Variants in LRRC69 observed in about 807,000 individuals in gnomAD.
LRRC69 encodes leucine rich repeat containing 69.
Under a neutral mutation model 37.8 loss-of-function variants are expected in LRRC69, and 42 were observed. The observed-to-expected ratio is 1.11, with a 90% CI of 0.87 to 1.44. The LOEUF (loss-of-function observed/expected upper bound fraction) is 1.44, where lower values mean the gene tolerates loss of function less well. LRRC69 is among the 40% of genes most tolerant of loss of function. The pLI is 0.00. For synonymous variants in LRRC69, 141 were observed against 143.1 expected (o/e 0.99, Z 0.11); for missense variants, 357 against 401.9 (o/e 0.89, Z 0.96).
exon 7 of LRRC69, chr8:91,200,762 G>C (rs769763545): frequency 1.3e-6 from 2 of 1,531,090 alleles, no homozygotes; most frequent in Non-Finnish European, 8.8e-7. Flanking sequence ...CCGTATGGCT[G>C]GAATGTGTTC....
rs1199297860 is a variant in LRRC69, at chr8:91,191,043, C to CA, written c.753+1420_753+1421insA. On this transcript the variant is annotated intron_variant, in intron 6 of 7. Coordinates refer to ENST00000448384, the Ensembl canonical transcript of LRRC69. ...GACAGAGCAGGATCCTGTCTCAAAC[C>CA]CCCCCCCCCCCAAGTCAAAAAGCAA... Among the ~76,000 whole-genome samples the CA allele has an allele frequency of 8.9e-4, 22 of 24,620 alleles. 1 individual carries two copies. Among genetic ancestry groups the CA allele is most frequent in the African/African-American group, 2.2e-3 (18 of 8,360 alleles). The allele number at this position is 24,620 out of a possible 152,430, so 16.2% of individuals were successfully genotyped here.
chr8:91,202,354 A>G (rs2130631232), intron 7 of LRRC69, among the ~76,000 whole-genome samples: 1 of 152,368 alleles, frequency 6.6e-6, no homozygotes, highest in Middle Eastern at 3.4e-3. Flanking sequence ...CTATTTCCAA[A>G]CAAGGTGACT....
chr8:91,116,870 C>G (rs1813519898), intron 1 of LRRC69, among the ~76,000 whole-genome samples: 1 of 151,964 alleles, frequency 6.6e-6, no homozygotes, highest in Non-Finnish European at 1.5e-5. Flanking sequence ...AATTTCTTGT[C>G]TTCTCTCTTA....
At chr8:91,170,990 G>A (rs567529334) in intron 5 of LRRC69, among the ~76,000 whole-genome samples, 21 of 146,862 alleles carry the variant, frequency 1.4e-4, no homozygotes, top group Admixed American at 6.9e-4. Context: ...GAAAATTTTC[G>A]CAACCTACTC....
At chr8:91,197,396 G>T (rs979297682) in intron 6 of LRRC69, among the ~76,000 whole-genome samples, 7 of 152,168 alleles carry the variant, frequency 4.6e-5, no homozygotes, top group African/African-American at 1.7e-4. Flanking sequence ...CGGCTGCTTT[G>T]TTTACCTAAT....
At chr8:91,200,874 A>C in intron 7 of LRRC69, 82 bp downstream of exon 7, 1 of 1,284,856 alleles carries the variant, frequency 7.8e-7, no homozygotes, top group South Asian at 1.6e-5. Context: ...AATACTAACT[A>C]GATTTGTACC....
chr8:91,131,244 T>TTTTTG (rs1554590360), intron 3 of LRRC69, among the ~76,000 whole-genome samples: 1 of 151,008 alleles, frequency 6.6e-6, no homozygotes, highest in East Asian at 1.9e-4. Flanking sequence ...TCTTTTTTTT[T>TTTTTG]TTTTGTTTTG....
At chr8:91,195,428 A>C (rs943898887) in intron 6 of LRRC69, among the ~76,000 whole-genome samples, 1 of 151,756 alleles carries the variant, frequency 6.6e-6, no homozygotes, top group African/African-American at 2.4e-5. Flanking sequence ...TGATCTGTCT[A>C]ATGTTGACAG....
At chr8:91,133,057 A>G in intron 3 of LRRC69, 53 bp from the exon 4 acceptor site, 1 of 1,126,932 alleles carries the variant, frequency 8.9e-7, no homozygotes, top group Middle Eastern at 2.9e-4. Flanking sequence ...TATATAGTGG[A>G]CTCTTATTCT....
At chr8:91,110,416 G>GA (rs1282140701) in intron 1 of LRRC69, among the ~76,000 whole-genome samples, 3 of 151,948 alleles carry the variant, frequency 2.0e-5, no homozygotes, top group African/African-American at 7.2e-5. Context: ...AGGTGGTGGG[G>GA]ATCACCTGAG....
At chr8:91,135,802 A>C in intron 5 of LRRC69, 63 bp downstream of exon 5, 2 of 826,766 alleles carry the variant, frequency 2.4e-6, no homozygotes, top group Non-Finnish European at 3.5e-6. Context: ...TGGGAATAGA[A>C]AAAATATGGG....
At position 91,127,174 on chromosome 8, in the gene LRRC69, TAGCAAG is replaced by T; in HGVS notation, c.383+16_383+21del. ...AGAAGTCAGCAGGTAATTTTGTTTA[TAGCAAG>T]ACTTGGTTAACAATCGTGCCCCTCC... On this transcript the variant is annotated intron_variant, in intron 3 of 7. Transcript: ENST00000448384. 6.5e-7 allele frequency: 1 copy of T among 1,543,038 alleles called. No homozygotes were observed. The highest frequency in any genetic ancestry group is 1.2e-5 in the South Asian group (1 of 83,644).
At chr8:91,141,376 ACT>A (rs751202824) in intron 5 of LRRC69, among the ~76,000 whole-genome samples, 1 of 151,952 alleles carries the variant, frequency 6.6e-6, no homozygotes, top group East Asian at 1.9e-4. Flanking sequence ...ATCTGCAAAG[ACT>A]CTGTTTCCAA....
chr8:91,127,604 A>T (rs886695531), intron 3 of LRRC69, among the ~76,000 whole-genome samples: 10 of 20,230 alleles, frequency 4.9e-4, no homozygotes, highest in African/African-American at 1.5e-3. Flanking sequence ...CATTAACCAA[A>T]AAAAAAAAAA....
chr8:91,112,323 C>A lies in LRRC69; in HGVS notation c.183+9479C>A, dbSNP rs1438867310. Among the ~76,000 whole-genome samples, 2 of 151,978 alleles carry A rather than the reference C, an allele frequency of 1.3e-5. 1 individual carries two copies. Among genetic ancestry groups the A allele is most frequent in the Admixed American group, 1.3e-4 (2 of 15,260 alleles). ...GTGGCATCTCTGTGGCCCAAACATG[C>A]CCATGTGCTGGACCTACCACCAAGG... On this transcript the variant is annotated intron_variant, in intron 1 of 7. Transcript: ENST00000448384.
rs1001529235 is a variant in LRRC69, at chr8:91,103,167, G to C, written c.183+323G>C. On this transcript the variant is annotated intron_variant, in intron 1 of 7. Transcript: ENST00000448384. ...AAACCTGGATCTGGTCGTCTATCTT[G>C]GGGGCTTACATCTGGAAGTAGTTTT... is the stretch of plus-strand genomic sequence containing the variant. Among the ~76,000 whole-genome samples the C allele has an allele frequency of 3.3e-5, 5 of 152,148 alleles. No homozygotes were observed. In the East Asian group the frequency reaches 9.6e-4, roughly 29 times the overall value.
At chr8:91,206,972 C>T (rs570044478) in intron 7 of LRRC69, 87 of 547,596 alleles carry the variant, frequency 1.6e-4, no homozygotes, top group African/African-American at 1.4e-3. Context: ...CCTAGTTATT[C>T]CCCATTTACT....
intron 5 of LRRC69, among the ~76,000 whole-genome samples, chr8:91,166,510 A>AC (rs763486713): frequency 3.1e-5 from 4 of 127,636 alleles, no homozygotes; most frequent in South Asian, 2.8e-4. Flanking sequence ...AAAAAAAAAA[A>AC]AAAAAACCTA....
intron 1 of LRRC69, among the ~76,000 whole-genome samples, chr8:91,120,656 C>T (rs927476489): frequency 2.0e-5 from 3 of 152,054 alleles, no homozygotes; most frequent in African/African-American, 7.2e-5. Flanking sequence ...CCAAGAAGGG[C>T]GCAGGAGAAA....
Sources: gnomAD v4.1 joint callset for allele counts (sites outside exome capture counted in the v4.1 genomes callset) on GRCh38, gnomAD v4.1.1 for gene constraint, MANE v1.5 for transcripts, NCBI Gene and HGNC (gene_info 2026-07-23, HGNC 2026-07-21) for gene names.